LSAMP: variants seen among roughly 807,000 people sequenced by gnomAD.
The protein encoded by LSAMP is limbic system-associated membrane protein.
Under a neutral mutation model 38.6 loss-of-function variants are expected in LSAMP, and 7 were observed. The ratio of observed to expected loss-of-function variants is 0.18; its 90% CI spans 0.10 to 0.34. LSAMP has a LOEUF of 0.34. Among genes scored for constraint, LSAMP ranks in the 10% least tolerant of loss-of-function variants. LSAMP has a pLI of 1.00. For missense variants in LSAMP, 313 were observed against 420.0 expected, an observed-to-expected ratio of 0.75 and a Z score of 2.23; for synonymous variants, 154 against 166.8, an observed-to-expected ratio of 0.92 and a Z score of 0.59.
At chr3:116,262,805 A>G (rs1192380436) in intron 1 of LSAMP, among the ~76,000 whole-genome samples, 1 of 152,194 alleles carries the variant, frequency 6.6e-6, no homozygotes, top group Non-Finnish European at 1.5e-5. Flanking sequence ...GACATTTACA[A>G]GGGAAATATG....
At chr3:116,275,328 CA>C (rs1465808371) in intron 1 of LSAMP, among the ~76,000 whole-genome samples, 9 of 152,230 alleles carry the variant, frequency 5.9e-5, no homozygotes, top group African/African-American at 2.2e-4. Flanking sequence ...ACTGGGATTA[CA>C]AGCTTGAGCC....
intron 1 of LSAMP, among the ~76,000 whole-genome samples, chr3:116,299,098 T>C (rs2047372978): frequency 1.3e-5 from 2 of 152,206 alleles, no homozygotes; most frequent in South Asian, 4.1e-4. Context: ...GAGCTGAAAG[T>C]TGTTTTTTGT....
intron 1 of LSAMP, among the ~76,000 whole-genome samples, chr3:116,344,135 C>T (rs1489325642): frequency 6.6e-6 from 1 of 152,084 alleles, no homozygotes; most frequent in African/African-American, 2.4e-5. Context: ...AATAATGGCA[C>T]CACCTTTTCC....
At chr3:116,069,524 C>T (rs910333900) in intron 2 of LSAMP, among the ~76,000 whole-genome samples, 22 of 150,496 alleles carry the variant, frequency 1.5e-4, no homozygotes, top group Non-Finnish European at 2.8e-4. Context: ...GTTTAGAATA[C>T]AGAAAGGTGG....
intron 1 of LSAMP, among the ~76,000 whole-genome samples, chr3:116,187,680 C>A (rs1396238677): frequency 6.6e-6 from 1 of 152,126 alleles, no homozygotes; most frequent in African/African-American, 2.4e-5. Context: ...ACTCACACAG[C>A]ATCTTTCTTT....
intron 1 of LSAMP, among the ~76,000 whole-genome samples, chr3:116,204,647 A>T (rs1333411763): frequency 6.6e-6 from 1 of 152,060 alleles, no homozygotes; most frequent in African/African-American, 2.4e-5. Context: ...AGCACCATTT[A>T]TTAATTAGGG....
intron 1 of LSAMP, among the ~76,000 whole-genome samples, chr3:116,406,822 A>G (rs1423217304): frequency 6.6e-6 from 1 of 151,992 alleles, no homozygotes; most frequent in African/African-American, 2.4e-5. Flanking sequence ...AGACTGAGAG[A>G]AAAAAATAGC....
chr3:116,317,934 G>A (rs1039398361), intron 1 of LSAMP, among the ~76,000 whole-genome samples: 5 of 151,338 alleles, frequency 3.3e-5, no homozygotes, highest in Non-Finnish European at 1.5e-5. Flanking sequence ...TCAGGAGTTC[G>A]AGACCAGCCT....
chr3:116,427,645 C>G (rs953886760), intron 1 of LSAMP, among the ~76,000 whole-genome samples: 1 of 152,038 alleles, frequency 6.6e-6, no homozygotes, highest in Non-Finnish European at 1.5e-5. Flanking sequence ...AAATACAAAA[C>G]GATAAATTAA....
At chr3:116,392,826 C>T (rs989953085) in intron 1 of LSAMP, among the ~76,000 whole-genome samples, 11 of 152,144 alleles carry the variant, frequency 7.2e-5, no homozygotes, top group Admixed American at 4.6e-4. Context: ...GATAGAGAGA[C>T]AATGGGGAGA....
chr3:115,907,698 G>A (rs1019145410), intron 3 of LSAMP, among the ~76,000 whole-genome samples: 3 of 152,106 alleles, frequency 2.0e-5, no homozygotes, highest in Non-Finnish European at 4.4e-5. Context: ...TCAAATAATT[G>A]AGAAATGGTT....
intron 4 of LSAMP, among the ~76,000 whole-genome samples, chr3:115,843,308 C>T (rs946679722): frequency 1.3e-5 from 2 of 152,240 alleles, no homozygotes; most frequent in African/African-American, 4.8e-5. Context: ...ACAAAACTAT[C>T]ACAGGCTTGA....
Position 115,810,264 on chromosome 3 carries a change from CTG to C in LSAMP, c.*51_*52del. ...CTCTCTGTCTCTCTCTCTCTGTATT[CTG>C]TGTGACGCATTTTTGTGTGTTTTTT... On this transcript the variant is annotated 3_prime_UTR_variant, in exon 7 of 7. Transcript: ENST00000490035. 1 of 1,181,994 alleles carries C rather than the reference CTG, an allele frequency of 8.5e-7. No individual in the cohort carries two copies. The highest frequency in any genetic ancestry group is 1.2e-6 in the Non-Finnish European group (1 of 821,016). 73.2% of individuals were successfully genotyped at this position (1,181,994 alleles called of 1,614,324 possible).
chr3:116,150,094 A>G (rs1297533560), intron 1 of LSAMP, among the ~76,000 whole-genome samples: 1 of 152,046 alleles, frequency 6.6e-6, no homozygotes, highest in Non-Finnish European at 1.5e-5. Flanking sequence ...GGACTTCATT[A>G]AAGCCATTTA....
At chr3:116,371,684 G>T (rs2107791984) in intron 1 of LSAMP, among the ~76,000 whole-genome samples, 1 of 152,100 alleles carries the variant, frequency 6.6e-6, no homozygotes, top group Non-Finnish European at 1.5e-5. Context: ...CTCATCCACA[G>T]CAATTAGGCA....
chr3:116,333,550 A>AG (rs2047880235), intron 1 of LSAMP, among the ~76,000 whole-genome samples: 1 of 151,856 alleles, frequency 6.6e-6, no homozygotes, highest in Non-Finnish European at 1.5e-5. Flanking sequence ...AAAAAAAAAA[A>AG]AGATATCATA....
Position 115,806,851 on chromosome 3 carries a change from A to C in LSAMP, c.*3466T>G, listed in dbSNP as rs1933642642. On this transcript the variant is annotated 3_prime_UTR_variant, in exon 7 of 7. Coordinates refer to ENST00000490035, the MANE Select transcript of LSAMP (RefSeq NM_002338.5). ...GGCAAAACCTTTGCTCAACAATTGC[A>C]CAGAGCATAATTACAATTCTGCAGT... The C allele has an allele frequency of 6.6e-6, 1 of 152,220 alleles. No homozygotes were observed. 9.4% of individuals were successfully genotyped at this position (152,220 alleles called of 1,614,324 possible).
At chr3:116,342,819 AG>A (rs1170182170) in intron 1 of LSAMP, among the ~76,000 whole-genome samples, 2 of 152,092 alleles carry the variant, frequency 1.3e-5, no homozygotes, top group Non-Finnish European at 2.9e-5. Context: ...CTCTATTGGA[AG>A]CATAGATGCA....
chr3:116,108,896 T>G (rs1245938763), intron 1 of LSAMP, among the ~76,000 whole-genome samples: 2 of 152,136 alleles, frequency 1.3e-5, no homozygotes, highest in African/African-American at 4.8e-5. Flanking sequence ...GGCAAGGAAT[T>G]GCAACTTTTT....
Sources: allele counts gnomAD v4.1 joint callset (sites outside exome capture counted in the v4.1 genomes callset), GRCh38; gene constraint gnomAD v4.1.1; transcripts MANE v1.5; gene names NCBI Gene and HGNC (gene_info 2026-07-23, HGNC 2026-07-21).